ARK2C: variants seen among roughly 807,000 people sequenced by gnomAD.
The protein encoded by ARK2C is arkadia (RNF111) C-terminal like ring finger ubiquitin ligase 2C, also known as E3 ubiquitin-protein ligase ARK2C.
chr18:46,429,193 G>A, the ARK2C span, among the ~76,000 whole-genome samples: 1 of 152,216 alleles, frequency 6.6e-6, no homozygotes, highest in East Asian at 1.9e-4. Context: ...ATTCTTTTCT[G>A]GCTCACTTGC....
At chr18:46,437,099 G>T in the ARK2C span, among the ~76,000 whole-genome samples, 1 of 146,956 alleles carries the variant, frequency 6.8e-6, no homozygotes, top group Non-Finnish European at 1.5e-5. Context: ...ACCACTACCT[G>T]CCCCAAGAAA....
the ARK2C span, among the ~76,000 whole-genome samples, chr18:46,387,354 G>A: frequency 1.3e-5 from 2 of 152,246 alleles, no homozygotes; most frequent in Non-Finnish European, 2.9e-5. Context: ...AGAGCTTGGG[G>A]AACCACTCTG....
At chr18:46,334,112 T>A in the ARK2C span, 1 of 180,378 alleles carries the variant, frequency 5.5e-6, no homozygotes, top group Non-Finnish European at 1.0e-5. This position sits in a 1 kb window ranked among gnomAD's most constrained non-coding sequence, Gnocchi z 4.4. Context: ...ATGGGCCATC[T>A]GTCTCCCCGC....
At chr18:46,338,512 T>C in the ARK2C span, among the ~76,000 whole-genome samples, 1 of 152,170 alleles carries the variant, frequency 6.6e-6, no homozygotes, top group Non-Finnish European at 1.5e-5. Flanking sequence ...ATCTCAGCCA[T>C]TGTCTAAGTG....
At chr18:46,383,801 T>C in the ARK2C span, among the ~76,000 whole-genome samples, 1 of 152,188 alleles carries the variant, frequency 6.6e-6, no homozygotes, top group Non-Finnish European at 1.5e-5. Context: ...TCCGCCCACC[T>C]TGGCCTCCCA....
the ARK2C span, among the ~76,000 whole-genome samples, chr18:46,435,780 C>T: frequency 6.6e-6 from 1 of 152,170 alleles, no homozygotes; most frequent in African/African-American, 2.4e-5. Context: ...CTTTCTGGAG[C>T]AGGTGCATCT....
chr18:46,365,383 C>CCTTTT, the ARK2C span, among the ~76,000 whole-genome samples: 2,675 of 152,278 alleles, frequency 0.018, 34 homozygotes, highest in Non-Finnish European at 0.029. Flanking sequence ...TCTGGAAGAG[C>CCTTTT]CTTTTCTCCA....
the ARK2C span, among the ~76,000 whole-genome samples, chr18:46,383,885 TAC>T: frequency 2.6e-5 from 4 of 152,208 alleles, no homozygotes; most frequent in African/African-American, 9.7e-5. Context: ...CGACTAACTT[TAC>T]AGAGTCCAGG....
the ARK2C span, among the ~76,000 whole-genome samples, chr18:46,381,016 T>C: frequency 6.6e-6 from 1 of 152,238 alleles, no homozygotes; most frequent in Non-Finnish European, 1.5e-5. Flanking sequence ...GCATGCCTCA[T>C]GTCCTCTGGC....
the ARK2C span, among the ~76,000 whole-genome samples, chr18:46,408,747 T>C: frequency 6.6e-6 from 1 of 152,238 alleles, no homozygotes. Flanking sequence ...AGGGAATTGC[T>C]GTCAGATCAG....
chr18:46,349,018 T>C, the ARK2C span, among the ~76,000 whole-genome samples: 1 of 151,666 alleles, frequency 6.6e-6, no homozygotes, highest in Non-Finnish European at 1.5e-5. Flanking sequence ...GGGAACTGGG[T>C]CATCTAGCTC....
the ARK2C span, among the ~76,000 whole-genome samples, chr18:46,381,542 T>C: frequency 2.6e-5 from 4 of 152,050 alleles, no homozygotes; most frequent in Admixed American, 6.5e-5. Context: ...CCTTCAAGAC[T>C]CTCAGGTGGC....
the ARK2C span, among the ~76,000 whole-genome samples, chr18:46,384,444 C>T: frequency 6.6e-6 from 1 of 152,218 alleles, no homozygotes; most frequent in African/African-American, 2.4e-5. Context: ...GGAGGCCCCT[C>T]TTTCTTAAAA....
the ARK2C span, chr18:46,447,823 T>G: frequency 9.7e-7 from 1 of 1,034,884 alleles, no homozygotes; most frequent in Non-Finnish European, 1.5e-6. Flanking sequence ...TGCCCCGGCT[T>G]CCACATGACC....
At chr18:46,436,892 G>A in the ARK2C span, among the ~76,000 whole-genome samples, 1 of 152,114 alleles carries the variant, frequency 6.6e-6, no homozygotes, top group African/African-American at 2.4e-5. Flanking sequence ...GAGTACTCAG[G>A]GCCCTTGCAT....
chr18:46,415,752 A>G, the ARK2C span, among the ~76,000 whole-genome samples: 1 of 152,124 alleles, frequency 6.6e-6, no homozygotes, highest in Non-Finnish European at 1.5e-5. Flanking sequence ...AATGGGAATA[A>G]TGGGAATAAT....
At chr18:46,442,117 C>G in the ARK2C span, among the ~76,000 whole-genome samples, 1 of 148,888 alleles carries the variant, frequency 6.7e-6, no homozygotes, top group African/African-American at 2.5e-5. Context: ...GAGTCGAGAT[C>G]GCGCCACTGC....
chr18:46,398,214 G>A, the ARK2C span, among the ~76,000 whole-genome samples: 1 of 150,694 alleles, frequency 6.6e-6, no homozygotes. Flanking sequence ...GTGTGAGGGT[G>A]TGTGTGCCTG....
At chr18:46,393,967 G>A in the ARK2C span, among the ~76,000 whole-genome samples, 1 of 152,224 alleles carries the variant, frequency 6.6e-6, no homozygotes, top group African/African-American at 2.4e-5. Context: ...GGATTCTGGA[G>A]GGAGGATGCA....
Sources: gnomAD v4.1 joint callset for allele counts (sites outside exome capture counted in the v4.1 genomes callset) on GRCh38, gnomAD v4.1.1 for gene constraint, Gnocchi (gnomAD v3.1) non-coding constraint, MANE v1.5 for transcripts, NCBI Gene and HGNC (gene_info 2026-07-23, HGNC 2026-07-21) for gene names.